Variants in GCNT2 observed in about 807,000 individuals in gnomAD.
The protein encoded by GCNT2 is N-acetyllactosaminide beta-1,6-N-acetylglucosaminyl-transferase.
GCNT2 carries 34 observed loss-of-function variants against 34.2 expected under a neutral mutation model. The observed-to-expected ratio is 1.00, with a 90% confidence interval of 0.76 to 1.32. GCNT2 has a LOEUF of 1.32. GCNT2 is among the 40% of genes most tolerant of loss of function. GCNT2 has a pLI of 0.00. For synonymous variants in GCNT2, 212 were observed against 188.0 expected (o/e 1.13, Z -1.04); for missense variants, 584 against 489.4 (o/e 1.19, Z -1.82).
rs1343826992 is a variant in GCNT2 at position 10,626,597 on chromosome 6, G to A, written c.1199G>A (p.Trp400Ter). Residue 400 changes from tryptophan (W) to a stop codon, truncating the protein, a stop_gained, in exon 5 of 5, where the codon TGG (tryptophan) becomes TAG (stop). Transcript: ENST00000495262. LOFTEE classifies it high-confidence loss of function. ...NQSETAIQPS[W>*]YF Reference sequence around the variant, plus strand: ...AGTGAAACTGCGATACAACCCAGCTGGTATTTTTGAGCTATTCATGAGCTA... The same window carrying A: ...AGTGAAACTGCGATACAACCCAGCTAGTATTTTTGAGCTATTCATGAGCTA... 1.2e-6 allele frequency: 2 copies of A among 1,612,986 alleles called. No individual in the cohort carries two copies. Among genetic ancestry groups the A allele is most frequent in the Non-Finnish European group, 1.7e-6 (2 of 1,179,180 alleles).
At chr6:10,610,718 C>T (rs1012716047) in intron 3 of GCNT2, among the ~76,000 whole-genome samples, 2 of 152,092 alleles carry the variant, frequency 1.3e-5, no homozygotes, top group Non-Finnish European at 2.9e-5. Context: ...TGGAGGCATG[C>T]AAGAAAGTAT....
At chr6:10,570,369 C>A (rs1763504327) in intron 3 of GCNT2, among the ~76,000 whole-genome samples, 1 of 152,238 alleles carries the variant, frequency 6.6e-6, no homozygotes, top group African/African-American at 2.4e-5. Context: ...GCTTTCGAAA[C>A]TTTGCCCTTC....
intron 3 of GCNT2, among the ~76,000 whole-genome samples, chr6:10,606,397 C>G (rs932979700): frequency 3.9e-5 from 6 of 152,126 alleles, no homozygotes; most frequent in African/African-American, 1.4e-4. Context: ...CATTTTCCCC[C>G]TCTTAATGGA....
chr6:10,594,357 T>C (rs1229376322), intron 3 of GCNT2, among the ~76,000 whole-genome samples: 1 of 152,222 alleles, frequency 6.6e-6, no homozygotes, highest in Non-Finnish European at 1.5e-5. Context: ...AAGGAAAAGC[T>C]TTATGGTGTT....
chr6:10,544,778 CACTAAA>C (rs1762193651), intron 3 of GCNT2, among the ~76,000 whole-genome samples: 1 of 149,586 alleles, frequency 6.7e-6, no homozygotes, highest in African/African-American at 2.5e-5. Flanking sequence ...ACCCCATCTC[CACTAAA>C]AATACAAAAA....
chr6:10,580,375 C>T lies in GCNT2; in HGVS notation c.926-40976C>T, dbSNP rs573384411. Among the ~76,000 whole-genome samples the T allele has an allele frequency of 3.2e-4, 48 of 152,314 alleles. 1 individual carries two copies. The South Asian group carries it at 4.1e-3, about 13-fold the overall frequency. ...GAACTCACCGGCCCTGCTCGTCTGA[C>T]CCTTCACCAGCTTCCCGCACTGTGC... On this transcript the variant is annotated intron_variant, in intron 3 of 4. Transcript: ENST00000495262.
At chr6:10,578,113 A>T (rs926967021) in intron 3 of GCNT2, among the ~76,000 whole-genome samples, 1 of 152,040 alleles carries the variant, frequency 6.6e-6, no homozygotes, top group African/African-American at 2.4e-5. Context: ...GAAACTGGCC[A>T]GGCGCATTGG....
At chr6:10,625,952 G>A (rs1256190579) in intron 4 of GCNT2, among the ~76,000 whole-genome samples, 1 of 152,082 alleles carries the variant, frequency 6.6e-6, no homozygotes, top group Non-Finnish European at 1.5e-5. Context: ...GAATAAAAAA[G>A]TTATGTGTAA....
intron 3 of GCNT2, chr6:10,530,045 G>C (rs191017753): frequency 2.0e-4 from 110 of 546,560 alleles, no homozygotes; most frequent in African/African-American, 1.9e-3. Context: ...CAGGACAAAA[G>C]ACCGAAGGAA....
chr6:10,555,593 C>T (rs914730854), intron 3 of GCNT2: 49 of 199,848 alleles, frequency 2.5e-4, no homozygotes, highest in Admixed American at 1.8e-3. Context: ...TCTTTTGACC[C>T]CAGTATTCTA....
At chr6:10,572,040 A>G (rs1294569487) in intron 3 of GCNT2, among the ~76,000 whole-genome samples, 2 of 149,582 alleles carry the variant, frequency 1.3e-5, no homozygotes, top group South Asian at 2.1e-4. Context: ...AGAGTGAACA[A>G]TTCTCCCTGG....
At chr6:10,569,271 A>ACACACACACC (rs1561806901) in intron 3 of GCNT2, among the ~76,000 whole-genome samples, 5 of 142,356 alleles carry the variant, frequency 3.5e-5, no homozygotes, top group African/African-American at 1.1e-4. Context: ...ACACACACAC[A>ACACACACACC]CACCCCCTAG....
chr6:10,552,980 C>A (rs999494590), intron 3 of GCNT2, among the ~76,000 whole-genome samples: 1 of 152,190 alleles, frequency 6.6e-6, no homozygotes, highest in Non-Finnish European at 1.5e-5. Flanking sequence ...CCTCTCAACG[C>A]GACTTTAACA....
intron 3 of GCNT2, 37 bp downstream of exon 3, chr6:10,529,873 A>G: frequency 1.4e-6 from 2 of 1,462,432 alleles, no homozygotes; most frequent in East Asian, 2.3e-5. Flanking sequence ...TTACGAATAA[A>G]CACTGCATGG....
chr6:10,566,869 G>T (rs1763305883), intron 3 of GCNT2, among the ~76,000 whole-genome samples: 1 of 152,192 alleles, frequency 6.6e-6, no homozygotes, highest in African/African-American at 2.4e-5. Flanking sequence ...CAATGAGTGG[G>T]GTCCAGAGTA....
chr6:10,578,305 C>T (rs576114821), intron 3 of GCNT2, among the ~76,000 whole-genome samples: 1 of 151,022 alleles, frequency 6.6e-6, no homozygotes, highest in South Asian at 2.1e-4. Context: ...CGCTTGAATC[C>T]AGGAGGCGAA....
chr6:10,589,102 A>AGT (rs143468944), intron 3 of GCNT2, among the ~76,000 whole-genome samples: 1 of 103,846 alleles, frequency 9.6e-6, no homozygotes, highest in Non-Finnish European at 1.9e-5. Flanking sequence ...GTGTGTGTGT[A>AGT]GTGTGTGTGT....
intron 3 of GCNT2, among the ~76,000 whole-genome samples, chr6:10,620,962 G>A (rs1013178669): frequency 1.3e-5 from 2 of 152,082 alleles, no homozygotes; most frequent in Admixed American, 6.6e-5. Flanking sequence ...ACACAGGACA[G>A]CCCCCACAAC....
intron 3 of GCNT2, among the ~76,000 whole-genome samples, chr6:10,574,336 C>T (rs557420419): frequency 6.6e-6 from 1 of 152,332 alleles, no homozygotes; most frequent in South Asian, 2.1e-4. Flanking sequence ...ACCTCTTTAA[C>T]TCTCACCGCC....
Sources: allele counts gnomAD v4.1 joint callset (sites outside exome capture counted in the v4.1 genomes callset), GRCh38; gene constraint gnomAD v4.1.1; transcripts MANE v1.5; gene names NCBI Gene and HGNC (gene_info 2026-07-23, HGNC 2026-07-21).